The following NXPH1 variants were observed in gnomAD, a reference collection of about 807,000 sequenced individuals.
NXPH1 encodes the protein neurexophilin 1, also known as neurexophilin-1.
A neutral mutation model predicts 23.7 loss-of-function variants in NXPH1; 5 were observed. The ratio of observed to expected loss-of-function variants is 0.21; its 90% confidence interval spans 0.11 to 0.44. The LOEUF is 0.44. NXPH1 is among the 20% of genes least tolerant of loss of function. The probability of loss-of-function intolerance (pLI) is 0.99; values close to 1 mark genes in which losing one functional copy is unlikely to be tolerated. For missense variants in NXPH1, 324 were observed against 321.6 expected (o/e 1.01, Z -0.06); for synonymous variants, 144 against 122.2 (o/e 1.18, Z -1.18).
intron 2 of NXPH1, among the ~76,000 whole-genome samples, chr7:8,655,006 A>G (rs985262273): frequency 2.0e-5 from 3 of 152,204 alleles, no homozygotes; most frequent in African/African-American, 7.2e-5. Flanking sequence ...TTTAATAGTC[A>G]GGAAACTCAA....
intron 2 of NXPH1, among the ~76,000 whole-genome samples, chr7:8,536,689 C>T (rs1429407387): frequency 1.3e-5 from 2 of 150,068 alleles, no homozygotes; most frequent in Non-Finnish European, 3.0e-5. Context: ...TTGTAAGGGG[C>T]CCAGAGAAGA....
At chr7:8,656,499 G>A (rs1168534522) in intron 2 of NXPH1, among the ~76,000 whole-genome samples, 1 of 117,610 alleles carries the variant, frequency 8.5e-6, no homozygotes, top group East Asian at 3.0e-4. Flanking sequence ...ACAAACTGTA[G>A]AGTTAATGTT....
chr7:8,519,310 G>A (rs557252637), intron 2 of NXPH1, among the ~76,000 whole-genome samples: 2 of 152,236 alleles, frequency 1.3e-5, no homozygotes, highest in Admixed American at 6.5e-5. Context: ...ATTAATTAAA[G>A]TTGCCCCTTC....
intron 2 of NXPH1, among the ~76,000 whole-genome samples, chr7:8,449,890 T>G (rs1271908159): frequency 6.6e-6 from 1 of 152,192 alleles, no homozygotes. Flanking sequence ...GGACTTCCCA[T>G]CAAATGGGGA....
chr7:8,522,277 C>T (rs1322087213), intron 2 of NXPH1, among the ~76,000 whole-genome samples: 1 of 152,104 alleles, frequency 6.6e-6, no homozygotes, highest in African/African-American at 2.4e-5. Context: ...TAGCTCTATC[C>T]CTTGGTCCCA....
chr7:8,674,879 C>G (rs964415548), intron 2 of NXPH1, among the ~76,000 whole-genome samples: 8 of 152,124 alleles, frequency 5.3e-5, no homozygotes, highest in Admixed American at 3.9e-4. Flanking sequence ...GAACAATCGA[C>G]CTAGAAACCG....
intron 2 of NXPH1, among the ~76,000 whole-genome samples, chr7:8,633,387 C>T (rs1820164309): frequency 6.6e-6 from 1 of 152,184 alleles, no homozygotes; most frequent in South Asian, 2.1e-4. Flanking sequence ...AAGATCGTGC[C>T]ACTGTAGCCT....
chr7:8,646,674 T>C (rs1820404161), intron 2 of NXPH1, among the ~76,000 whole-genome samples: 1 of 152,112 alleles, frequency 6.6e-6, no homozygotes, highest in Non-Finnish European at 1.5e-5. Context: ...AATATGTTTT[T>C]CCTATTCTAT....
intron 2 of NXPH1, among the ~76,000 whole-genome samples, chr7:8,511,894 G>A (rs1056072415): frequency 6.6e-6 from 1 of 152,086 alleles, no homozygotes; most frequent in East Asian, 1.9e-4. Flanking sequence ...TTTTATCAAG[G>A]TTGACTGAAA....
intron 2 of NXPH1, among the ~76,000 whole-genome samples, chr7:8,721,660 C>A (rs1779972585): frequency 6.6e-6 from 1 of 152,142 alleles, no homozygotes; most frequent in Admixed American, 6.5e-5. Context: ...CACCTGTAGT[C>A]CCAGCTACTC....
intron 2 of NXPH1, among the ~76,000 whole-genome samples, chr7:8,521,368 A>T (rs1052213121): frequency 7.9e-5 from 12 of 152,180 alleles, no homozygotes; most frequent in Non-Finnish European, 1.2e-4. Context: ...CCAGTGCTAT[A>T]GTTCCCAGCC....
At chr7:8,595,564 T>A (rs1819204067) in intron 2 of NXPH1, among the ~76,000 whole-genome samples, 1 of 152,122 alleles carries the variant, frequency 6.6e-6, no homozygotes, top group Non-Finnish European at 1.5e-5. Flanking sequence ...TACATAATAT[T>A]GATTTAATCT....
At chr7:8,663,098 A>G (rs1448918453) in intron 2 of NXPH1, among the ~76,000 whole-genome samples, 1 of 152,114 alleles carries the variant, frequency 6.6e-6, no homozygotes, top group Non-Finnish European at 1.5e-5. Flanking sequence ...GTCAGAGGGT[A>G]TCAGGATGTG....
In NXPH1 at chr7:8,667,031, A is replaced by T. The variant is rs556311675; in HGVS notation, c.55-83977A>T. Among the ~76,000 whole-genome samples the T allele has an allele frequency of 2.6e-5, 4 of 152,212 alleles. No individual in the cohort carries two copies. The East Asian group carries it at 7.7e-4, about 29-fold the overall frequency. The stretch of plus-strand genomic sequence containing the variant: ...CTTAGAACATCTTATAGTTATAACT[A>T]TGGTTATTTTAAGCTGATGACAACT... On this transcript the variant is annotated intron_variant, in intron 2 of 2. Coordinates refer to ENST00000405863, the MANE Select transcript of NXPH1 (RefSeq NM_152745.3).
At chr7:8,500,488 A>G (rs544154025) in intron 2 of NXPH1, among the ~76,000 whole-genome samples, 1 of 152,206 alleles carries the variant, frequency 6.6e-6, no homozygotes, top group Admixed American at 6.5e-5. Context: ...CAGAAATGGC[A>G]TCTGCCTTAT....
intron 2 of NXPH1, among the ~76,000 whole-genome samples, chr7:8,502,280 A>C (rs182869986): frequency 7.9e-5 from 12 of 152,208 alleles, no homozygotes; most frequent in African/African-American, 2.9e-4. Flanking sequence ...AAAAACTAAA[A>C]GGAAAGCAAA....
At position 8,493,217 on chromosome 7, in the gene NXPH1, T is replaced by C. The variant is rs557897488; in HGVS notation, c.54+57450T>C. 5.3e-5 allele frequency among the ~76,000 whole-genome samples: 8 copies of C among 152,130 alleles called. No homozygotes were observed. The South Asian group carries it at 1.7e-3, about 32-fold the overall frequency. On this transcript the variant is annotated intron_variant, in intron 2 of 2. Transcript: ENST00000405863. Reference sequence around the variant, plus strand: ...TGCCCCCCAAATAATGTGAGGACAATGGTTAGTTCACCTGAAGGAATGTCT... The same window carrying C: ...TGCCCCCCAAATAATGTGAGGACAACGGTTAGTTCACCTGAAGGAATGTCT...
At chr7:8,742,189 A>C (rs915381899) in intron 2 of NXPH1, among the ~76,000 whole-genome samples, 2 of 152,170 alleles carry the variant, frequency 1.3e-5, no homozygotes, top group African/African-American at 2.4e-5. Context: ...TGGCCAGTAA[A>C]GACACTTTTG....
At chr7:8,503,075 C>T (rs1401645290) in intron 2 of NXPH1, among the ~76,000 whole-genome samples, 1 of 151,968 alleles carries the variant, frequency 6.6e-6, no homozygotes, top group East Asian at 1.9e-4. Flanking sequence ...CATGATGGTG[C>T]TTTGCTTACA....
Sources: gnomAD v4.1 joint callset for allele counts (sites outside exome capture counted in the v4.1 genomes callset) on GRCh38, gnomAD v4.1.1 for gene constraint, MANE v1.5 for transcripts, NCBI Gene and HGNC (gene_info 2026-07-23, HGNC 2026-07-21) for gene names.